PLA2G2F: variants seen among roughly 807,000 people sequenced by gnomAD.
The protein encoded by PLA2G2F is phospholipase A2 group IIF, also known as group IIF secretory phospholipase A2.
A neutral mutation model predicts 15.9 loss-of-function variants in PLA2G2F; 17 were observed. The observed-to-expected ratio is 1.07, with a 90% CI of 0.73 to 1.60. The LOEUF (loss-of-function observed/expected upper bound fraction) is 1.60, where lower values mean the gene tolerates loss of function less well. Ranked by LOEUF, PLA2G2F falls within the 40% of genes most tolerant of loss-of-function variation. PLA2G2F has a pLI of 0.00. For missense variants in PLA2G2F, 299 were observed against 278.2 expected (o/e 1.07, Z -0.53); for synonymous variants, 119 against 106.5 (o/e 1.12, Z -0.72).
intron 4 of PLA2G2F, among the ~76,000 whole-genome samples, chr1:20,146,052 C>T (rs1314785796): frequency 2.0e-5 from 3 of 152,254 alleles, no homozygotes; most frequent in Non-Finnish European, 4.4e-5. Context: ...CATCCCAATT[C>T]TCCTGTCCCC....
chr1:20,144,283 G>A (rs972363151), intron 3 of PLA2G2F, among the ~76,000 whole-genome samples: 6 of 152,182 alleles, frequency 3.9e-5, no homozygotes, highest in Non-Finnish European at 5.9e-5. Flanking sequence ...TGCTGCAGCC[G>A]GGGCTCTGGG....
chr1:20,141,554 G>C (rs79255115), intron 2 of PLA2G2F: 2,049 of 152,354 alleles, frequency 0.013, 20 homozygotes, highest in Non-Finnish European at 0.018. Flanking sequence ...GCATGGCCAC[G>C]TAGACTTCTT....
chr1:20,140,534 AT>A, intron 2 of PLA2G2F: 1 of 321,720 alleles, frequency 3.1e-6, no homozygotes, highest in Non-Finnish European at 5.8e-6. Flanking sequence ...GGAGTTAATG[AT>A]TTTGTGTGCA....
rs1199118068 is a variant in PLA2G2F, at chr1:20,150,142, T to C, written c.*1741T>C. ...ACCCCCCATGCCACACTGCCGCCTC[T>C]TGCTGGCCATGGTTCTCCGGCTTGG... On this transcript the variant is annotated 3_prime_UTR_variant, in exon 5 of 5. Transcript: ENST00000375102. 6.6e-6 allele frequency: 1 copy of C among 151,178 alleles called. No homozygotes were observed. Among genetic ancestry groups the C allele is most frequent in the Non-Finnish European group, 1.5e-5 (1 of 67,914 alleles). 9.4% of individuals were successfully genotyped at this position (151,178 alleles called of 1,614,324 possible). A position where few individuals can be genotyped will look rare whatever the true frequency, so the allele number is the denominator to read the frequency against.
Position 20,149,692 on chromosome 1 carries a change from G to GGGGCCA in PLA2G2F, c.*1297_*1302dup, listed in dbSNP as rs2017692407. On this transcript the variant is annotated 3_prime_UTR_variant, in exon 5 of 5. Transcript: ENST00000375102. ...GCCTCCAGGCAACACAGAGGAGCTG[G>GGGGCCA]GGGCCAGGGCCTTACGGGGCTGGGT... is the stretch of plus-strand genomic sequence containing the variant. The GGGGCCA allele has an allele frequency of 2.6e-5, 4 of 152,746 alleles. No homozygotes were observed. Among genetic ancestry groups the GGGGCCA allele is most frequent in the African/African-American group, 9.7e-5 (4 of 41,442 alleles). 9.5% of individuals were successfully genotyped at this position (152,746 alleles called of 1,614,324 possible).
intron 3 of PLA2G2F, 78 bp downstream of exon 3, chr1:20,143,668 C>T (rs1031370382): frequency 1.9e-5 from 29 of 1,536,516 alleles, no homozygotes; most frequent in Non-Finnish European, 2.6e-5. Context: ...GCCCTCCATC[C>T]CTGAGTGGGG....
At chr1:20,143,305 C>T in intron 2 of PLA2G2F, 141 bp from the exon 3 acceptor site, 1 of 1,120,296 alleles carries the variant, frequency 8.9e-7, no homozygotes, top group South Asian at 1.6e-5. Flanking sequence ...CTTGCCCCAG[C>T]TTCCTCTCCT....
At chr1:20,142,531 C>T (rs2017497523) in intron 2 of PLA2G2F, 1 of 152,326 alleles carries the variant, frequency 6.6e-6, no homozygotes, top group Non-Finnish European at 1.5e-5. Context: ...ACCGCACAGG[C>T]ACAGACTGCA....
Position 20,148,385 on chromosome 1 carries a change from C to A in PLA2G2F, c.620C>A (p.Pro207His). Residue 207 changes from proline (P) to histidine (H), a missense_variant, in exon 5 of 5, where the codon CCC becomes CAC. Coordinates refer to ENST00000375102, the MANE Select transcript of PLA2G2F (RefSeq NM_022819.4). ...ACCTGCAGTCACCAATCCCCAGCGC[C>A]CCCCGCCCCTCCCTAGAGCCTCTGA... ...EVTCSHQSPA[P>H]PAPP 1.2e-6 allele frequency: 2 copies of A among 1,612,156 alleles called. No homozygotes were observed. Among genetic ancestry groups the A allele is most frequent in the Non-Finnish European group, 1.7e-6 (2 of 1,178,576 alleles).
At position 20,139,528 on chromosome 1, in the gene PLA2G2F, C is replaced by T. The variant is rs763983370; in HGVS notation, c.101C>T (p.Pro34Leu). 4 of 1,546,982 alleles carry T rather than the reference C, an allele frequency of 2.6e-6. No individual in the cohort carries two copies. In the African/African-American group the frequency reaches 5.5e-5, roughly 21 times the overall value. The change falls in exon 1 of 5, where the codon CCT (proline) becomes CTT (leucine). Residue 34 changes from proline to leucine, a missense_variant. Coordinates refer to ENST00000375102, the MANE Select transcript of PLA2G2F (RefSeq NM_022819.4). Reference sequence around the variant, plus strand: ...GGCCCACGCTTCGGGGCCTCCTGTCCTTCAAGAACCTCCAGGTAGGTGCCT... The same window carrying T: ...GGCCCACGCTTCGGGGCCTCCTGTCTTTCAAGAACCTCCAGGTAGGTGCCT... ...WRGPRFGASC[P>L]SRTSRSSLGM...
In PLA2G2F at chr1:20,149,532, A is replaced by T. The variant is rs1207044480; in HGVS notation, c.*1131A>T. The T allele has an allele frequency of 6.6e-6, 1 of 152,618 alleles. No individual in the cohort carries two copies. The highest frequency in any genetic ancestry group is 1.5e-5 in the Non-Finnish European group (1 of 68,338). The allele number at this position is 152,618 out of a possible 1,614,324, so 9.5% of individuals were successfully genotyped here. On this transcript the variant is annotated 3_prime_UTR_variant, in exon 5 of 5. Transcript: ENST00000375102. ...GCATCAAGGCGGGAGGCAGCCTGGA[A>T]ACTTCTAGAAGAGGGTCAAGGTAGG...
chr1:20,141,688 T>G (rs1047399539), intron 2 of PLA2G2F: 3 of 152,336 alleles, frequency 2.0e-5, no homozygotes, highest in African/African-American at 7.2e-5. Flanking sequence ...TCGCAGTGGT[T>G]GGGTCCCTCC....
Position 20,144,578 on chromosome 1 carries a change from A to G in PLA2G2F, c.315-2A>G. 1 of 1,606,868 alleles carries G rather than the reference A, an allele frequency of 6.2e-7. No individual in the cohort carries two copies. Among genetic ancestry groups the G allele is most frequent in the South Asian group, 1.1e-5 (1 of 89,606 alleles). ...TGTCCACTCACCTCTGCCGCTCCCTAGGTGCTGCCACGCCCACGACTGCTG... is the reference window on the plus strand; with the variant it reads ...TGTCCACTCACCTCTGCCGCTCCCTGGGTGCTGCCACGCCCACGACTGCTG... On this transcript the variant is annotated splice_acceptor_variant, in intron 3 of 4. Coordinates refer to ENST00000375102, the MANE Select transcript of PLA2G2F (RefSeq NM_022819.4). LOFTEE classifies it high-confidence loss of function.
In PLA2G2F at chr1:20,148,562, C is replaced by G; in HGVS notation, c.*161C>G. ...TCAGCTCTCAGAGGACTCAGGAAGG[C>G]CTGGGTCCTGACTCCCCCAGCCCAG... On this transcript the variant is annotated 3_prime_UTR_variant, in exon 5 of 5. Transcript: ENST00000375102. The G allele has an allele frequency of 9.5e-6, 6 of 631,888 alleles. No individual in the cohort carries two copies. In the South Asian group the frequency reaches 1.2e-4, roughly 12 times the overall value. The allele number at this position is 631,888 out of a possible 1,614,324, so 39.1% of individuals were successfully genotyped here.
intron 2 of PLA2G2F, chr1:20,142,061 T>A (rs552741020): frequency 4.6e-5 from 7 of 152,240 alleles, no homozygotes; most frequent in African/African-American, 1.7e-4. Context: ...CAGGCAAGAG[T>A]GGCCTTTGGG....
At chr1:20,144,958 T>G (rs1030782196) in intron 4 of PLA2G2F, among the ~76,000 whole-genome samples, 3 of 152,126 alleles carry the variant, frequency 2.0e-5, no homozygotes, top group African/African-American at 4.8e-5. Flanking sequence ...GTGCCAGTAA[T>G]CCCAGCTGCT....
intron 4 of PLA2G2F, among the ~76,000 whole-genome samples, chr1:20,147,690 T>A (rs998191233): frequency 3.9e-5 from 6 of 152,158 alleles, no homozygotes; most frequent in Admixed American, 2.0e-4. Context: ...CCTCAGGTGA[T>A]CCACCTGTCT....
At chr1:20,148,089 A>G (rs1440059430) in intron 4 of PLA2G2F, 101 bp from the exon 5 acceptor site, 4 of 979,256 alleles carry the variant, frequency 4.1e-6, no homozygotes, top group Non-Finnish European at 6.5e-6. Context: ...TCCAAGGACC[A>G]CTGGGCTCTC....
At chr1:20,140,264 C>T in intron 2 of PLA2G2F, 46 bp downstream of exon 2, 1 of 1,600,608 alleles carries the variant, frequency 6.2e-7, no homozygotes, top group Non-Finnish European at 8.5e-7. Flanking sequence ...CCACTCCCAG[C>T]TTGTCTCCCG....
Sources: allele counts gnomAD v4.1 joint callset (sites outside exome capture counted in the v4.1 genomes callset), GRCh38; gene constraint gnomAD v4.1.1; transcripts MANE v1.5; gene names NCBI Gene and HGNC (gene_info 2026-07-23, HGNC 2026-07-21).